Variants in PCDHA3 observed in about 807,000 individuals in gnomAD.
PCDHA3 encodes the protein protocadherin alpha-3.
In PCDHA3, 41 loss-of-function variants were observed where a neutral mutation model predicts 62.2. The observed-to-expected ratio is 0.66, with a 90% CI of 0.51 to 0.86. PCDHA3 has a LOEUF of 0.86. Among genes scored for constraint, PCDHA3 ranks in the 40% least tolerant of loss-of-function variants. The probability of loss-of-function intolerance (pLI) is 0.00; values close to 1 mark genes in which losing one functional copy is unlikely to be tolerated. For synonymous variants in PCDHA3, 640 were observed against 555.4 expected, an observed-to-expected ratio of 1.15 and a Z score of -2.14; for missense variants, 1,304 against 1,241.2, an observed-to-expected ratio of 1.05 and a Z score of -0.76.
intron 1 of PCDHA3, among the ~76,000 whole-genome samples, chr5:140,840,919 A>C (rs2150310100): frequency 6.6e-5 from 10 of 152,182 alleles, no homozygotes; most frequent in African/African-American, 2.2e-4. Context: ...TAAATTTATT[A>C]TTAATTGATA....
chr5:140,852,909 C>T lies in PCDHA3; in HGVS notation c.2394+49318C>T, dbSNP rs2150524759. On this transcript the variant is annotated intron_variant, in intron 1 of 3. Transcript: ENST00000522353. ...TATTTTTTTTTTTGAGTCAGAGTCTCGCTCTGTTGCCCAGGCTGGAGTGCA... is the reference window on the plus strand; with the variant it reads ...TATTTTTTTTTTTGAGTCAGAGTCTTGCTCTGTTGCCCAGGCTGGAGTGCA... The T allele has an allele frequency of 5.3e-4, 419 of 797,890 alleles. 9 individuals carry two copies. The South Asian group carries it at 0.02, about 38-fold the overall frequency. The allele number at this position is 797,890 out of a possible 1,614,324, so 49.4% of individuals were successfully genotyped here.
At chr5:140,994,178 A>G (rs2097601690) in intron 3 of PCDHA3, among the ~76,000 whole-genome samples, 1 of 152,226 alleles carries the variant, frequency 6.6e-6, no homozygotes, top group Admixed American at 6.5e-5. Context: ...AAGCTGGGAC[A>G]AACCACCAGG....
chr5:140,981,694 A>C (rs1407083166), intron 2 of PCDHA3, among the ~76,000 whole-genome samples: 1 of 151,154 alleles, frequency 6.6e-6, no homozygotes, highest in Non-Finnish European at 1.5e-5. Context: ...TCCATCATTC[A>C]TTCATTCATT....
chr5:140,883,534 A>G, intron 1 of PCDHA3: 1 of 1,614,196 alleles, frequency 6.2e-7, no homozygotes, highest in Non-Finnish European at 8.5e-7. Context: ...CAGCCTATGA[A>G]CTGGTGGTGA....
intron 1 of PCDHA3, among the ~76,000 whole-genome samples, chr5:140,844,362 T>G (rs1209255757): frequency 6.7e-6 from 1 of 149,512 alleles, no homozygotes; most frequent in African/African-American, 2.4e-5. Context: ...GGGAAGAGAT[T>G]TGTAATCCTT....
rs945250298 is a variant in PCDHA3 at position 140,897,146 on chromosome 5, A to G, written c.2395-81803A>G. Among the ~76,000 whole-genome samples the G allele has an allele frequency of 5.3e-5, 8 of 152,258 alleles. No individual in the cohort carries two copies. In the East Asian group the frequency reaches 1.5e-3, roughly 29 times the overall value. On this transcript the variant is annotated intron_variant, in intron 1 of 3. Coordinates refer to ENST00000522353, the MANE Select transcript of PCDHA3 (RefSeq NM_018906.3). Reference sequence around the variant, plus strand: ...CCCACTAAACTTTCTAGCCTTTGTTAACCATTCTTCTACTGTCTATCTCCA... The same window carrying G: ...CCCACTAAACTTTCTAGCCTTTGTTGACCATTCTTCTACTGTCTATCTCCA...
In PCDHA3 at chr5:140,836,728, C is replaced by G. The variant is rs1286648701; in HGVS notation, c.2394+33137C>G. The stretch of plus-strand genomic sequence containing the variant: ...CCCAGCCTTCCTCAGGGTCCATCCT[C>G]TACAGACAATGTGAGTCATAAATAA... On this transcript the variant is annotated intron_variant, in intron 1 of 3. Transcript: ENST00000522353. 5 of 1,610,268 alleles carry G rather than the reference C, an allele frequency of 3.1e-6. No individual in the cohort carries two copies. The African/African-American group carries it at 5.4e-5, about 17-fold the overall frequency.
chr5:140,865,798 C>T (rs1467476362), intron 1 of PCDHA3: 1 of 152,146 alleles, frequency 6.6e-6, no homozygotes, highest in East Asian at 1.9e-4. Context: ...AGGCTTCAGA[C>T]TCATTCTTTT....
At chr5:140,827,922 C>A in intron 1 of PCDHA3, 1 of 952,492 alleles carries the variant, frequency 1.0e-6, no homozygotes, top group Non-Finnish European at 1.6e-6. Context: ...TCGCTGTCTA[C>A]CATGAAGTTA....
At chr5:140,941,347 T>G (rs246069) in intron 1 of PCDHA3, among the ~76,000 whole-genome samples, 2 of 130,422 alleles carry the variant, frequency 1.5e-5, no homozygotes, top group African/African-American at 5.9e-5. Context: ...GATGGAGTCT[T>G]GCTCTGTTGC....
rs2086142013 is a variant in PCDHA3, at chr5:140,929,415, C to T, written c.2395-49534C>T. 11 of 1,504,150 alleles carry T rather than the reference C, an allele frequency of 7.3e-6. 1 individual carries two copies. In the South Asian group the frequency reaches 1.2e-4, roughly 17 times the overall value. 93.2% of individuals were successfully genotyped at this position (1,504,150 alleles called of 1,614,324 possible). A position where few individuals can be genotyped will look rare whatever the true frequency, so the allele number is the denominator to read the frequency against. On this transcript the variant is annotated intron_variant, in intron 1 of 3. Coordinates refer to ENST00000522353, the MANE Select transcript of PCDHA3 (RefSeq NM_018906.3). The stretch of plus-strand genomic sequence containing the variant: ...TATTTCTTAGACAAGCCTTTCACAA[C>T]ATTTCATCAATTGAACTAAACACTC...
intron 1 of PCDHA3, among the ~76,000 whole-genome samples, chr5:140,942,119 A>T (rs1180591078): frequency 6.6e-6 from 1 of 152,242 alleles, no homozygotes; most frequent in African/African-American, 2.4e-5. Context: ...AACTTTATTA[A>T]AGGTGATATT....
intron 1 of PCDHA3, among the ~76,000 whole-genome samples, chr5:140,923,228 CCAGAA>C (rs2081257346): frequency 1.4e-5 from 1 of 71,808 alleles, no homozygotes; most frequent in Admixed American, 1.5e-4. Flanking sequence ...TCGTTTGAGC[CCAGAA>C]GTTTGAGACC....
intron 1 of PCDHA3, among the ~76,000 whole-genome samples, chr5:140,826,648 C>G (rs1181948430): frequency 1.3e-5 from 2 of 152,006 alleles, no homozygotes; most frequent in African/African-American, 4.8e-5. Context: ...ATGAAGGTAA[C>G]ATTTTTGCAA....
intron 1 of PCDHA3, among the ~76,000 whole-genome samples, chr5:140,921,929 A>G (rs2080500807): frequency 6.6e-6 from 1 of 152,244 alleles, no homozygotes; most frequent in East Asian, 1.9e-4. Flanking sequence ...CTTATAGTCA[A>G]TATAATTTTA....
intron 1 of PCDHA3, among the ~76,000 whole-genome samples, chr5:140,937,282 C>T (rs2091446146): frequency 6.6e-6 from 1 of 152,060 alleles, no homozygotes; most frequent in Admixed American, 6.6e-5. Context: ...CGTGATTCAC[C>T]CGCTTCGGCC....
At chr5:140,982,241 T>G in intron 2 of PCDHA3, 1 of 696,668 alleles carries the variant, frequency 1.4e-6, no homozygotes, top group South Asian at 3.3e-5. Context: ...AGAATTGCCA[T>G]AAAGATAGAA....
chr5:140,863,474 G>A (rs1440662117), intron 1 of PCDHA3: 3 of 480,748 alleles, frequency 6.2e-6, no homozygotes, highest in African/African-American at 2.0e-5. Context: ...CTGGAGAGTC[G>A]CCTCCCAAGG....
intron 1 of PCDHA3, chr5:140,877,670 C>T: frequency 6.8e-6 from 11 of 1,613,654 alleles, no homozygotes; most frequent in Non-Finnish European, 7.6e-6. Flanking sequence ...AGCCGGTGCG[C>T]GCCGGGCAAG....
Sources: gnomAD v4.1 joint callset for allele counts (sites outside exome capture counted in the v4.1 genomes callset) on GRCh38, gnomAD v4.1.1 for gene constraint, MANE v1.5 for transcripts, NCBI Gene and HGNC (gene_info 2026-07-23, HGNC 2026-07-21) for gene names.